The following PTPRJ variants were observed in gnomAD, a reference collection of about 807,000 sequenced individuals.
PTPRJ encodes receptor-type tyrosine-protein phosphatase eta.
PTPRJ carries 129 observed loss-of-function variants against 141.3 expected under a neutral mutation model. The observed-to-expected ratio is 0.91, with a 90% CI of 0.79 to 1.06. The LOEUF is 1.06. PTPRJ is among the 50% of genes least tolerant of loss of function. PTPRJ has a pLI of 0.00. For missense variants in PTPRJ, 1,601 were observed against 1,679.7 expected (o/e 0.95, Z 0.82); for synonymous variants, 610 against 640.5 (o/e 0.95, Z 0.72).
chr11:47,987,171 T>C (rs1385218169), intron 1 of PTPRJ, among the ~76,000 whole-genome samples: 1 of 151,698 alleles, frequency 6.6e-6, no homozygotes, highest in African/African-American at 2.4e-5. Flanking sequence ...ATAGCGCCAC[T>C]GCACTCCAAC....
intron 1 of PTPRJ, among the ~76,000 whole-genome samples, chr11:48,043,501 G>A (rs549665792): frequency 3.0e-4 from 45 of 152,364 alleles, no homozygotes; most frequent in African/African-American, 1.1e-3. Context: ...ATCAGTGAGT[G>A]AGGGGAAAGC....
intron 1 of PTPRJ, among the ~76,000 whole-genome samples, chr11:48,053,235 ATAATATATTTATATAAT>A (rs1854631981): frequency 1.1e-5 from 1 of 90,114 alleles, no homozygotes; most frequent in Non-Finnish European, 2.0e-5. Flanking sequence ...TATATTATAT[ATAATATATTTATATAAT>A]ATATATAATA....
At chr11:48,138,903 G>A (rs768094761) in intron 10 of PTPRJ, among the ~76,000 whole-genome samples, 4 of 152,166 alleles carry the variant, frequency 2.6e-5, no homozygotes, top group Non-Finnish European at 5.9e-5. Flanking sequence ...GGGAGGCCAA[G>A]GTGGGTGGAT....
At chr11:48,053,466 TAATATATAA>T (rs1854658805) in intron 1 of PTPRJ, among the ~76,000 whole-genome samples, 1 of 117,500 alleles carries the variant, frequency 8.5e-6, no homozygotes, top group African/African-American at 3.3e-5. Context: ...ATATTATATA[TAATATATAA>T]AAAATATATA....
intron 1 of PTPRJ, among the ~76,000 whole-genome samples, chr11:48,084,149 C>G (rs896207079): frequency 6.6e-6 from 1 of 152,024 alleles, no homozygotes; most frequent in African/African-American, 2.4e-5. Flanking sequence ...AAGAGAGAAT[C>G]TAGTTTTTTG....
At chr11:48,122,227 G>A (rs1015883030) in intron 4 of PTPRJ, among the ~76,000 whole-genome samples, 2 of 152,158 alleles carry the variant, frequency 1.3e-5, no homozygotes, top group African/African-American at 4.8e-5. Context: ...GTTACATTGT[G>A]AAAGAGAGGG....
intron 1 of PTPRJ, among the ~76,000 whole-genome samples, chr11:48,002,265 G>C (rs939938509): frequency 6.6e-6 from 1 of 151,610 alleles, no homozygotes; most frequent in African/African-American, 2.4e-5. Flanking sequence ...AGCCTCCCGA[G>C]TAGCTGGGAT....
At chr11:48,053,486 TAAAA>T (rs1854661218) in intron 1 of PTPRJ, among the ~76,000 whole-genome samples, 1 of 113,058 alleles carries the variant, frequency 8.8e-6, no homozygotes, top group African/African-American at 4.3e-5. Context: ...AAAATATATA[TAAAA>T]TATATATATA....
intron 1 of PTPRJ, among the ~76,000 whole-genome samples, chr11:48,001,922 T>A (rs889255406): frequency 6.6e-6 from 1 of 152,138 alleles, no homozygotes; most frequent in Admixed American, 6.5e-5. Context: ...CTGGTGACAT[T>A]TAAGTTTTCT....
chr11:48,003,156 T>C (rs1854541138), intron 1 of PTPRJ, among the ~76,000 whole-genome samples: 1 of 152,206 alleles, frequency 6.6e-6, no homozygotes, highest in African/African-American at 2.4e-5. Context: ...ATATTAACCA[T>C]GATGTTTAAT....
In PTPRJ at chr11:48,146,870, T is replaced by C; in HGVS notation, c.2912-6T>C. ...TTGAAGTGTCTCCCATTTGGACTTTTCTCAGGTGTCATCTGTGGAGCGGTT... is the reference window on the plus strand; with the variant it reads ...TTGAAGTGTCTCCCATTTGGACTTTCCTCAGGTGTCATCTGTGGAGCGGTT... On this transcript the variant is annotated splice_region_variant and splice_polypyrimidine_tract_variant and intron_variant, in intron 14 of 24. Coordinates refer to ENST00000418331, the MANE Select transcript of PTPRJ (RefSeq NM_002843.4). 6.2e-7 allele frequency: 1 copy of C among 1,613,790 alleles called. No individual in the cohort carries two copies. The highest frequency in any genetic ancestry group is 1.7e-5 in the Admixed American group (1 of 60,020).
chr11:48,134,407 T>C (rs952664398), intron 8 of PTPRJ, among the ~76,000 whole-genome samples: 3 of 152,188 alleles, frequency 2.0e-5, no homozygotes, highest in Non-Finnish European at 4.4e-5. Context: ...TTTCTAGGTT[T>C]TTATGTTTAT....
At chr11:48,070,807 T>A (rs555401029) in intron 1 of PTPRJ, among the ~76,000 whole-genome samples, 52 of 152,354 alleles carry the variant, frequency 3.4e-4, no homozygotes, top group African/African-American at 1.3e-3. Flanking sequence ...TGTGGAAAAT[T>A]TCTTAAATGG....
At chr11:48,055,798 C>T (rs1045126481) in intron 1 of PTPRJ, among the ~76,000 whole-genome samples, 3 of 152,184 alleles carry the variant, frequency 2.0e-5, no homozygotes, top group African/African-American at 4.8e-5. Flanking sequence ...TCCAGCAGGA[C>T]GCTGCTAGCT....
intron 1 of PTPRJ, among the ~76,000 whole-genome samples, chr11:48,043,207 ATTTTAT>A (rs1035372941): frequency 6.6e-5 from 10 of 151,998 alleles, no homozygotes; most frequent in Admixed American, 2.0e-4. Context: ...TTAGCCAGAT[ATTTTAT>A]TTTTATTTTT....
intron 1 of PTPRJ, among the ~76,000 whole-genome samples, chr11:48,092,358 C>G (rs1389651595): frequency 6.7e-6 from 1 of 149,256 alleles, no homozygotes; most frequent in Non-Finnish European, 1.5e-5. Flanking sequence ...CTTCTAGCTA[C>G]TGCTGTGGGA....
intron 8 of PTPRJ, chr11:48,132,307 A>G: frequency 1.0e-6 from 1 of 982,368 alleles, no homozygotes; most frequent in Non-Finnish European, 1.2e-6. Flanking sequence ...AGGCTGCGGC[A>G]GGAGGATTGC....
At chr11:48,027,307 C>T (rs995962417) in intron 1 of PTPRJ, among the ~76,000 whole-genome samples, 5 of 151,834 alleles carry the variant, frequency 3.3e-5, no homozygotes, top group Admixed American at 6.6e-5. Context: ...GCGCCCGGCC[C>T]GGAATACCCT....
At chr11:48,121,470 T>A (rs776449653) in intron 4 of PTPRJ, among the ~76,000 whole-genome samples, 7 of 152,256 alleles carry the variant, frequency 4.6e-5, no homozygotes, top group Non-Finnish European at 8.8e-5. Flanking sequence ...TGGGAAGTTC[T>A]AACTACTTCT....
Sources: allele counts gnomAD v4.1 joint callset (sites outside exome capture counted in the v4.1 genomes callset), GRCh38; gene constraint gnomAD v4.1.1; transcripts MANE v1.5; gene names NCBI Gene and HGNC (gene_info 2026-07-23, HGNC 2026-07-21).